TGFA: variants seen among roughly 807,000 people sequenced by gnomAD.
The protein encoded by TGFA is protransforming growth factor alpha.
TGFA carries 12 observed loss-of-function variants against 21.7 expected under a neutral mutation model. The ratio of observed to expected loss-of-function variants is 0.55; its 90% confidence interval spans 0.35 to 0.90. The LOEUF (loss-of-function observed/expected upper bound fraction) is 0.90. Among genes scored for constraint, TGFA ranks in the 40% least tolerant of loss-of-function variants. The pLI is 0.01. For missense variants in TGFA, 178 were observed against 210.8 expected (o/e 0.84, Z 0.96); for synonymous variants, 79 against 88.1 (o/e 0.90, Z 0.58).
At chr2:70,503,653 A>G (rs1671811120) in intron 2 of TGFA, among the ~76,000 whole-genome samples, 1 of 152,026 alleles carries the variant, frequency 6.6e-6, no homozygotes, top group Admixed American at 6.5e-5. Flanking sequence ...AATCTAGGTC[A>G]TCTGGCTCCT....
chr2:70,543,885 C>T (rs1028063476), intron 1 of TGFA, among the ~76,000 whole-genome samples: 8 of 152,102 alleles, frequency 5.3e-5, no homozygotes, highest in Admixed American at 2.6e-4. Flanking sequence ...AAAACAAAGC[C>T]CCAAATACTT....
At chr2:70,533,317 T>C (rs1357871066) in intron 1 of TGFA, among the ~76,000 whole-genome samples, 1 of 151,898 alleles carries the variant, frequency 6.6e-6, no homozygotes, top group Non-Finnish European at 1.5e-5. Flanking sequence ...TTAAACCTTT[T>C]CCCCCTACCC....
At chr2:70,463,630 C>G (rs1347896298) in intron 3 of TGFA, among the ~76,000 whole-genome samples, 4 of 152,158 alleles carry the variant, frequency 2.6e-5, no homozygotes, top group African/African-American at 7.2e-5. Flanking sequence ...TTGGTAAAGA[C>G]CTGCCCTTTT....
chr2:70,495,523 C>T (rs1430572462), intron 2 of TGFA, among the ~76,000 whole-genome samples: 1 of 152,076 alleles, frequency 6.6e-6, no homozygotes, highest in Non-Finnish European at 1.5e-5. Context: ...CTTTTACTTT[C>T]CCAGGGGCAC....
chr2:70,533,403 G>A (rs994626778), intron 1 of TGFA, among the ~76,000 whole-genome samples: 4 of 152,090 alleles, frequency 2.6e-5, no homozygotes, highest in Non-Finnish European at 4.4e-5. Context: ...TAGATTGTGG[G>A]TCACAAAGAT....
rs1670224053 is a variant in TGFA, at chr2:70,456,276, T to C, written c.365+63A>G. The C allele has an allele frequency of 4.0e-6, 6 of 1,507,720 alleles. No homozygotes were observed. In the African/African-American group the frequency reaches 4.1e-5, roughly 10 times the overall value. The allele number at this position is 1,507,720 out of a possible 1,614,324, so 93.4% of individuals were successfully genotyped here. On this transcript the variant is annotated intron_variant, in intron 4 of 5. Coordinates refer to ENST00000295400, the MANE Select transcript of TGFA (RefSeq NM_003236.4). ...AGGTGGCCCTGTTATCTGGATATAC[T>C]GCGGATGTCCCTGGTAGGGGAGGTG...
At chr2:70,516,259 A>G (rs988094743) in intron 1 of TGFA, among the ~76,000 whole-genome samples, 9 of 152,238 alleles carry the variant, frequency 5.9e-5, no homozygotes, top group African/African-American at 1.2e-4. Flanking sequence ...GGAAACAAGC[A>G]AAGTTCTGTC....
intron 1 of TGFA, among the ~76,000 whole-genome samples, chr2:70,535,684 A>G (rs1574142524): frequency 6.6e-6 from 1 of 152,306 alleles, no homozygotes; most frequent in Non-Finnish European, 1.5e-5. Flanking sequence ...GAAATCCAAA[A>G]CATCCAATTT....
At chr2:70,525,061 T>C (rs1160739743) in intron 1 of TGFA, among the ~76,000 whole-genome samples, 5 of 152,138 alleles carry the variant, frequency 3.3e-5, no homozygotes, top group Admixed American at 3.3e-4. Context: ...CTCAGCTCAG[T>C]CAAAGCCATG....
intron 2 of TGFA, among the ~76,000 whole-genome samples, chr2:70,477,873 C>A (rs1398792911): frequency 6.6e-6 from 1 of 152,194 alleles, no homozygotes; most frequent in Non-Finnish European, 1.5e-5. Flanking sequence ...TCTGTTACAG[C>A]AGGGAGTGTT....
intron 2 of TGFA, among the ~76,000 whole-genome samples, chr2:70,496,886 A>G (rs1671592155): frequency 6.6e-6 from 1 of 152,214 alleles, no homozygotes; most frequent in South Asian, 2.1e-4. Flanking sequence ...AAACGAAATC[A>G]TTATAGACAG....
chr2:70,515,005 G>T (rs1672229055), intron 1 of TGFA, 93 bp from the exon 2 acceptor site: 10 of 1,225,084 alleles, frequency 8.2e-6, no homozygotes, highest in African/African-American at 1.5e-5. Flanking sequence ...GACAGGCAAA[G>T]GTTCGGTAGT....
At chr2:70,476,945 A>G (rs531678396) in intron 2 of TGFA, among the ~76,000 whole-genome samples, 16 of 152,366 alleles carry the variant, frequency 1.1e-4, no homozygotes, top group African/African-American at 3.8e-4. Context: ...TTCAAGAGGA[A>G]AGAAGCTGAG....
chr2:70,493,296 G>T (rs782500886), intron 2 of TGFA, among the ~76,000 whole-genome samples: 1 of 152,174 alleles, frequency 6.6e-6, no homozygotes, highest in Admixed American at 6.5e-5. Context: ...TTCCCTTCTG[G>T]ACAAGTGACC....
At chr2:70,515,006 G>T (rs1215131958) in intron 1 of TGFA, 94 bp from the exon 2 acceptor site, 36 of 1,204,218 alleles carry the variant, frequency 3.0e-5, no homozygotes, top group South Asian at 1.1e-4. Context: ...ACAGGCAAAG[G>T]TTCGGTAGTT....
intron 2 of TGFA, among the ~76,000 whole-genome samples, chr2:70,505,591 T>A (rs1172661867): frequency 2.0e-5 from 3 of 151,954 alleles, no homozygotes; most frequent in Non-Finnish European, 2.9e-5. Flanking sequence ...CAAGGAGACA[T>A]GCTCATTAAA....
rs1669910831 is a variant in TGFA at position 70,447,289 on chromosome 2, G to C, written c.*3570C>G. On this transcript the variant is annotated 3_prime_UTR_variant, in exon 6 of 6. Transcript: ENST00000295400. ...AAGAAACACTCCAGTCTTGATTTAG[G>C]AAAAAAAGATTCATTCCTTCATCCT... 1 of 152,330 alleles carries C rather than the reference G, an allele frequency of 6.6e-6. No homozygotes were observed. The highest frequency in any genetic ancestry group is 2.1e-4 in the South Asian group (1 of 4,820). The allele number at this position is 152,330 out of a possible 1,614,324, so 9.4% of individuals were successfully genotyped here. A position where few individuals can be genotyped will look rare whatever the true frequency, so the allele number is the denominator to read the frequency against.
intron 2 of TGFA, among the ~76,000 whole-genome samples, chr2:70,492,469 C>G (rs1671464239): frequency 6.6e-6 from 1 of 152,260 alleles, no homozygotes; most frequent in Non-Finnish European, 1.5e-5. Flanking sequence ...CATCGCCAGG[C>G]AAACAAGCAT....
In TGFA at chr2:70,448,674, T is replaced by C. The variant is rs1365546422; in HGVS notation, c.*2185A>G. 1 of 152,236 alleles carries C rather than the reference T, an allele frequency of 6.6e-6. No homozygotes were observed. The highest frequency in any genetic ancestry group is 2.1e-4 in the South Asian group (1 of 4,832). 9.4% of individuals were successfully genotyped at this position (152,236 alleles called of 1,614,324 possible). A position where few individuals can be genotyped will look rare whatever the true frequency, so the allele number is the denominator to read the frequency against. ...GGACAATGGTCCAACCAGGCTTGCA[T>C]TGATGCAGCCTCTTTTTCAGACCTG... On this transcript the variant is annotated 3_prime_UTR_variant, in exon 6 of 6. Coordinates refer to ENST00000295400, the MANE Select transcript of TGFA (RefSeq NM_003236.4).
Sources: allele counts gnomAD v4.1 joint callset (sites outside exome capture counted in the v4.1 genomes callset), GRCh38; gene constraint gnomAD v4.1.1; transcripts MANE v1.5; gene names NCBI Gene and HGNC (gene_info 2026-07-23, HGNC 2026-07-21).